Variants in TBC1D30 observed in about 807,000 individuals in gnomAD.
The protein encoded by TBC1D30 is TBC1 domain family, member 30.
TBC1D30 carries 31 observed loss-of-function variants against 63.2 expected under a neutral mutation model. That is an observed-to-expected ratio of 0.49 (90% CI 0.37 to 0.66). The LOEUF is 0.66. TBC1D30 is among the 30% of genes least tolerant of loss of function. TBC1D30 has a pLI of 0.00. For missense variants in TBC1D30, 810 were observed against 953.6 expected (o/e 0.85, Z 1.98); for synonymous variants, 307 against 361.5 (o/e 0.85, Z 1.71).
rs574681444 is a variant in TBC1D30, at chr12:64,836,535, G to T, written c.640G>T (p.Val214Phe). The stretch of plus-strand genomic sequence containing the variant: ...TAAGGTACTTCCCGAAAGCTATTTC[G>T]TCAATAATCTCCGGGCATTGTCTGT... ...IDKVLPESYF[V>F]NNLRALSVDM... The change falls in exon 6 of 12, where the codon GTC becomes TTC. Residue 214 changes from valine to phenylalanine, a missense_variant. Physicochemically the swap from Val to Phe is conservative, Grantham distance 50. Around this residue, in one of 4 missense-constraint regions of TBC1D30, gnomAD observed 272 missense variants for 335.9 expected, o/e 0.81. Coordinates refer to ENST00000539867, the MANE Select transcript of TBC1D30 (RefSeq NM_015279.2). 6.5e-7 allele frequency: 1 copy of T among 1,535,474 alleles called. No individual in the cohort carries two copies. The highest frequency in any genetic ancestry group is 1.4e-5 in the African/African-American group (1 of 72,902).
chr12:64,880,011 T>A lies in TBC1D30; in HGVS notation c.*4223T>A, dbSNP rs964035835. On this transcript the variant is annotated 3_prime_UTR_variant, in exon 12 of 12. Transcript: ENST00000539867. Reference sequence around the variant, plus strand: ...TATAAACATCTGGGAATAGGGGAGATGTTTGGATGAATTATGATTCATCCC... The same window carrying A: ...TATAAACATCTGGGAATAGGGGAGAAGTTTGGATGAATTATGATTCATCCC... 3.9e-5 allele frequency: 6 copies of A among 152,166 alleles called. No individual in the cohort carries two copies. The highest frequency in any genetic ancestry group is 1.4e-4 in the African/African-American group (6 of 41,444). 9.4% of individuals were successfully genotyped at this position (152,166 alleles called of 1,614,324 possible). A position where few individuals can be genotyped will look rare whatever the true frequency, so the allele number is the denominator to read the frequency against.
chr12:64,785,985 A>C, exon 2 of TBC1D30: 1 of 1,289,816 alleles, frequency 7.8e-7, no homozygotes, highest in Non-Finnish European at 1.0e-6. Flanking sequence ...GCTTCTGCAT[A>C]AAGTGCAGAG....
intron 11 of TBC1D30, among the ~76,000 whole-genome samples, chr12:64,873,118 A>G (rs1878781791): frequency 6.6e-6 from 1 of 152,124 alleles, no homozygotes; most frequent in Admixed American, 6.6e-5. Flanking sequence ...TAGAGGCAAA[A>G]AGACCTTAGC....
upstream of TBC1D30, among the ~76,000 whole-genome samples, chr12:64,778,377 A>G (rs963866968): frequency 6.6e-6 from 1 of 152,080 alleles, no homozygotes; most frequent in Non-Finnish European, 1.5e-5. Flanking sequence ...GGAAGCTTAC[A>G]TTTTAGTGGC....
chr12:64,806,667 A>G (rs1452330679), intron 2 of TBC1D30, among the ~76,000 whole-genome samples: 2 of 152,218 alleles, frequency 1.3e-5, no homozygotes, highest in South Asian at 2.1e-4. Context: ...CAGCAAATCT[A>G]TTTCTGGGTG....
intron 2 of TBC1D30, among the ~76,000 whole-genome samples, chr12:64,815,885 C>A (rs1873498060): frequency 6.6e-6 from 1 of 151,950 alleles, no homozygotes; most frequent in Admixed American, 6.6e-5. Context: ...CTCCTGGGCT[C>A]AGGTGATCCG....
upstream of TBC1D30, among the ~76,000 whole-genome samples, chr12:64,823,840 G>A (rs1874045938): frequency 6.6e-6 from 1 of 152,040 alleles, no homozygotes; most frequent in African/African-American, 2.4e-5. Flanking sequence ...TTATTCCAGA[G>A]CCAAAACTAC....
chr12:64,799,817 C>G (rs904867966), intron 2 of TBC1D30, among the ~76,000 whole-genome samples: 2 of 152,186 alleles, frequency 1.3e-5, no homozygotes, highest in African/African-American at 4.8e-5. Flanking sequence ...TTAGAAAAGG[C>G]TGATAGAGGC....
chr12:64,879,782 T>C lies in TBC1D30; in HGVS notation c.*3994T>C, dbSNP rs552291589. 6.6e-6 allele frequency: 1 copy of C among 152,322 alleles called. No homozygotes were observed. Among genetic ancestry groups the C allele is most frequent in the South Asian group, 2.1e-4 (1 of 4,824 alleles). 9.4% of individuals were successfully genotyped at this position (152,322 alleles called of 1,614,324 possible). On this transcript the variant is annotated 3_prime_UTR_variant, in exon 12 of 12. Coordinates refer to ENST00000539867, the MANE Select transcript of TBC1D30 (RefSeq NM_015279.2). ...TAAGAGTTTTCTTCATCAACAGGTA[T>C]TGAATTTCATAAAAAGAACTTTAAT...
chr12:64,864,730 C>G lies in TBC1D30; in HGVS notation c.1101C>G (p.Thr367=). The G allele has an allele frequency of 6.5e-7, 1 of 1,536,182 alleles. No homozygotes were observed. Among genetic ancestry groups the G allele is most frequent in the Non-Finnish European group, 8.7e-7 (1 of 1,146,924 alleles). The part of the protein sequence containing the change: ...PQLAELREKY[T]YNITPFPATV... ...TGGCAGAGTTGAGGGAAAAATACAC[C>G]TACAACATTACACCGTTCCCAGCCA... The change falls in exon 9 of 12, where the codon ACC becomes ACG. Residue 367 remains threonine, a synonymous_variant. Coordinates refer to ENST00000539867, the MANE Select transcript of TBC1D30 (RefSeq NM_015279.2).
chr12:64,862,931 G>A (rs1877914552), intron 8 of TBC1D30, among the ~76,000 whole-genome samples: 1 of 152,146 alleles, frequency 6.6e-6, no homozygotes, highest in Non-Finnish European at 1.5e-5. Context: ...AAGGTGCTGT[G>A]CTCTGGATTG....
At chr12:64,845,990 G>A (rs1002347603) in intron 8 of TBC1D30, among the ~76,000 whole-genome samples, 4 of 151,986 alleles carry the variant, frequency 2.6e-5, no homozygotes, top group Admixed American at 1.3e-4. Flanking sequence ...AAGCCTGTTC[G>A]TCATTTGTAT....
intron 8 of TBC1D30, among the ~76,000 whole-genome samples, chr12:64,857,164 G>T (rs1877376418): frequency 6.6e-6 from 1 of 152,062 alleles, no homozygotes; most frequent in Non-Finnish European, 1.5e-5. Context: ...AAACAGATGA[G>T]TCTTTCACCA....
At chr12:64,825,258 C>T (rs892503793) in intron 1 of TBC1D30, 4 of 498,390 alleles carry the variant, frequency 8.0e-6, no homozygotes, top group African/African-American at 4.0e-5. Context: ...GCGGAGAACC[C>T]GCTGCTTCCA....
At chr12:64,768,972 C>T (rs140300038) in intron 1 of TBC1D30, among the ~76,000 whole-genome samples, 2,045 of 152,112 alleles carry the variant, frequency 0.013, 30 homozygotes, top group South Asian at 0.035. Flanking sequence ...GTCTGTGCAA[C>T]GTGGCAAAAC....
rs1876629833 is a variant in TBC1D30 at position 64,848,925 on chromosome 12, CTCCAGCATCTGTTGTT to C, written c.1038+5444_1038+5459del. The stretch of plus-strand genomic sequence containing the variant: ...AAGCATTCCTATTTCTCCACATCCT[CTCCAGCATCTGTTGTT>C]TCCTGACTTTTTAATGATTGCCATT... On this transcript the variant is annotated intron_variant, in intron 8 of 11. Coordinates refer to ENST00000539867, the MANE Select transcript of TBC1D30 (RefSeq NM_015279.2). Among the ~76,000 whole-genome samples, 3 of 152,228 alleles carry C rather than the reference CTCCAGCATCTGTTGTT, an allele frequency of 2.0e-5. No homozygotes were observed. The South Asian group carries it at 6.2e-4, about 32-fold the overall frequency.
chr12:64,868,629 T>C, intron 10 of TBC1D30: 1 of 328,748 alleles, frequency 3.0e-6, no homozygotes, highest in Non-Finnish European at 5.8e-6. Context: ...CTCTGCAAAA[T>C]TCCTTTGCTT....
intron 1 of TBC1D30, among the ~76,000 whole-genome samples, chr12:64,767,821 A>C (rs961092067): frequency 1.4e-5 from 2 of 144,874 alleles, no homozygotes; most frequent in Non-Finnish European, 3.0e-5. Context: ...GATAGGCTCT[A>C]TGAAAATTTA....
chr12:64,818,581 C>G (rs114306355), intron 2 of TBC1D30: 4,742 of 172,024 alleles, frequency 0.028, 224 homozygotes, highest in African/African-American at 0.11. Context: ...TGGGATTACA[C>G]GCACGTGCCA....
Sources: allele counts gnomAD v4.1 joint callset (sites outside exome capture counted in the v4.1 genomes callset), GRCh38; gene constraint gnomAD v4.1.1; regional missense constraint gnomAD v4.1.1; transcripts MANE v1.5; gene names NCBI Gene and HGNC (gene_info 2026-07-23, HGNC 2026-07-21).